The following PIK3R1 variants were observed in gnomAD, a reference collection of about 807,000 sequenced individuals.
PIK3R1 encodes phosphatidylinositol 3-kinase regulatory subunit alpha.
In PIK3R1, 29 loss-of-function variants were observed where a neutral mutation model predicts 98.0. That is an observed-to-expected ratio of 0.30 (90% CI 0.22 to 0.40). PIK3R1 has a LOEUF of 0.40. Among genes scored for constraint, PIK3R1 ranks in the 10% least tolerant of loss-of-function variants. The pLI is 1.00. For missense variants in PIK3R1, 596 were observed against 872.7 expected, an observed-to-expected ratio of 0.68 and a Z score of 3.99; for synonymous variants, 282 against 311.8, an observed-to-expected ratio of 0.90 and a Z score of 1.01.
At chr5:68,237,268 C>T (rs1399483546) in intron 2 of PIK3R1, among the ~76,000 whole-genome samples, 1 of 152,174 alleles carries the variant, frequency 6.6e-6, no homozygotes, top group South Asian at 2.1e-4. Context: ...AATCTGAAGT[C>T]TTGTACCTGA....
chr5:68,264,225 G>A (rs1456991918), intron 2 of PIK3R1, among the ~76,000 whole-genome samples: 1 of 152,208 alleles, frequency 6.6e-6, no homozygotes, highest in Non-Finnish European at 1.5e-5. Flanking sequence ...ATGGTGAAAA[G>A]CTGGCCTGCC....
intron 11 of PIK3R1, 43 bp from the exon 12 acceptor site, chr5:68,294,484 AGAGATTGTT>A: frequency 7.1e-7 from 1 of 1,402,064 alleles, no homozygotes; most frequent in South Asian, 1.3e-5. Flanking sequence ...TCTTGCAGTA[AGAGATTGTT>A]CTATGAAAGG....
intron 2 of PIK3R1, among the ~76,000 whole-genome samples, chr5:68,236,552 T>C (rs1035407501): frequency 6.6e-6 from 1 of 152,186 alleles, no homozygotes; most frequent in African/African-American, 2.4e-5. Flanking sequence ...CCTGGCCCTA[T>C]AACCGTTTTT....
rs1402146204 is a variant in PIK3R1, at chr5:68,226,944, G to A, written c.269G>A (p.Arg90Gln). The A allele has an allele frequency of 3.1e-6, 5 of 1,614,022 alleles. No individual in the cohort carries two copies. The highest frequency in any genetic ancestry group is 4.5e-5 in the East Asian group (2 of 44,878). Residue 90 changes from arginine (R) to glutamine (Q), a missense_variant, in exon 2 of 16, where the codon CGG (arginine) becomes CAG (glutamine). Arg to Gln is a conservative substitution (Grantham distance 43). Coordinates refer to ENST00000521381, the MANE Select transcript of PIK3R1 (RefSeq NM_181523.3). ...ATCTCGCCTCCCACACCAAAGCCCC[G>A]GCCACCTCGGCCTCTTCCTGTTGCA... is the stretch of plus-strand genomic sequence containing the variant. ...KKISPPTPKP[R>Q]PPRPLPVAPG...
intron 1 of PIK3R1, among the ~76,000 whole-genome samples, chr5:68,222,952 A>G (rs1744142359): frequency 6.6e-6 from 1 of 152,126 alleles, no homozygotes; most frequent in Admixed American, 6.5e-5. Flanking sequence ...TTTCTGTCCT[A>G]TGTTAAGTGA....
In PIK3R1 at chr5:68,298,594, A is replaced by G; in HGVS notation, c.*993A>G. On this transcript the variant is annotated 3_prime_UTR_variant, in exon 16 of 16. Transcript: ENST00000521381. ...AGTAAAAAAAAAAAATGGCTTCAGA[A>G]TTAAAACTATGAAATATTTTACAGT... 1 of 233,332 alleles carries G rather than the reference A, an allele frequency of 4.3e-6. No homozygotes were observed. Among genetic ancestry groups the G allele is most frequent in the Non-Finnish European group, 8.5e-6 (1 of 117,904 alleles). The allele number at this position is 233,332 out of a possible 1,614,324, so 14.5% of individuals were successfully genotyped here.
At chr5:68,292,818 C>T in intron 8 of PIK3R1, 1 of 1,029,148 alleles carries the variant, frequency 9.7e-7, no homozygotes, top group South Asian at 2.0e-5. Flanking sequence ...AAACTTAGTA[C>T]CACAGATACA....
chr5:68,299,539 T>C lies in PIK3R1; in HGVS notation c.*1938T>C. On this transcript the variant is annotated 3_prime_UTR_variant, in exon 16 of 16. Coordinates refer to ENST00000521381, the MANE Select transcript of PIK3R1 (RefSeq NM_181523.3). Reference sequence around the variant, plus strand: ...AAAAGCTGGTATGTTCAGTAGGAACTGTACATGTGTTGGGAGGCATAAAGA... The same window carrying C: ...AAAAGCTGGTATGTTCAGTAGGAACCGTACATGTGTTGGGAGGCATAAAGA... 4.3e-6 allele frequency: 1 copy of C among 233,284 alleles called. No homozygotes were observed. Among genetic ancestry groups the C allele is most frequent in the Non-Finnish European group, 8.5e-6 (1 of 118,034 alleles). The allele number at this position is 233,284 out of a possible 1,614,324, so 14.5% of individuals were successfully genotyped here.
intron 2 of PIK3R1, among the ~76,000 whole-genome samples, chr5:68,265,413 AC>A (rs1438630202): frequency 2.0e-5 from 3 of 152,282 alleles, no homozygotes; most frequent in African/African-American, 7.2e-5. Context: ...TTATGTCTGT[AC>A]CACCATAGAC....
chr5:68,232,863 T>G (rs1038926584), intron 2 of PIK3R1, among the ~76,000 whole-genome samples: 3 of 152,244 alleles, frequency 2.0e-5, no homozygotes, highest in Non-Finnish European at 2.9e-5. Context: ...TAGGAGTTAT[T>G]TAATTAGAGG....
chr5:68,277,348 G>T (rs1226203619), intron 4 of PIK3R1, among the ~76,000 whole-genome samples: 1 of 152,164 alleles, frequency 6.6e-6, no homozygotes, highest in South Asian at 2.1e-4. Context: ...CAGTGGTATT[G>T]CCCCTCCCAC....
intron 2 of PIK3R1, among the ~76,000 whole-genome samples, chr5:68,254,446 T>C (rs1240347985): frequency 6.6e-6 from 1 of 152,200 alleles, no homozygotes; most frequent in Non-Finnish European, 1.5e-5. Context: ...GAATGATCCA[T>C]GGCTGGGACA....
chr5:68,292,815 G>T, intron 8 of PIK3R1: 1 of 1,075,574 alleles, frequency 9.3e-7, no homozygotes, highest in Non-Finnish European at 1.2e-6. Flanking sequence ...TAAAAACTTA[G>T]TACCACAGAT....
At chr5:68,233,301 T>C (rs538696397) in intron 2 of PIK3R1, among the ~76,000 whole-genome samples, 1 of 152,262 alleles carries the variant, frequency 6.6e-6, no homozygotes, top group Non-Finnish European at 1.5e-5. Context: ...TGGGGAAGGA[T>C]GTAGCACTGG....
At chr5:68,271,918 T>C (rs919008691) in intron 2 of PIK3R1, among the ~76,000 whole-genome samples, 1 of 152,128 alleles carries the variant, frequency 6.6e-6, no homozygotes, top group Non-Finnish European at 1.5e-5. Context: ...CGTGAATTTG[T>C]TCTATGTTGA....
rs2112251655 is a variant in PIK3R1 at position 68,293,099 on chromosome 5, A to G, written c.1020-2A>G. 6.2e-7 allele frequency: 1 copy of G among 1,606,770 alleles called. No individual in the cohort carries two copies. The highest frequency in any genetic ancestry group is 8.5e-7 in the Non-Finnish European group (1 of 1,173,536). On this transcript the variant is annotated splice_acceptor_variant, in intron 8 of 15. Coordinates refer to ENST00000521381, the MANE Select transcript of PIK3R1 (RefSeq NM_181523.3). LOFTEE classifies it high-confidence loss of function. Reference sequence around the variant, plus strand: ...GAGCATTGTTTTGTGTTTTCATTTCAGGGAAGAAGTGAATGAAAAACTTCG... The same window carrying G: ...GAGCATTGTTTTGTGTTTTCATTTCGGGGAAGAAGTGAATGAAAAACTTCG...
intron 15 of PIK3R1, 93 bp downstream of exon 15, chr5:68,296,434 T>C (rs1212621681): frequency 3.3e-6 from 4 of 1,223,910 alleles, no homozygotes; most frequent in Admixed American, 2.1e-5. Context: ...AGATTTGACA[T>C]AGTTTTAGTC....
chr5:68,291,144 G>A, intron 7 of PIK3R1: 1 of 252,262 alleles, frequency 4.0e-6, no homozygotes. Context: ...TATTGTCCCT[G>A]TAATTAAAAT....
At chr5:68,238,563 A>G (rs1744758105) in intron 2 of PIK3R1, among the ~76,000 whole-genome samples, 1 of 152,154 alleles carries the variant, frequency 6.6e-6, no homozygotes, top group Non-Finnish European at 1.5e-5. Flanking sequence ...TGAAACAATA[A>G]AAAAAAGACT....
Sources: gnomAD v4.1 joint callset for allele counts (sites outside exome capture counted in the v4.1 genomes callset) on GRCh38, gnomAD v4.1.1 for gene constraint, MANE v1.5 for transcripts, NCBI Gene and HGNC (gene_info 2026-07-23, HGNC 2026-07-21) for gene names.